The following RORB variants were observed in gnomAD, a reference collection of about 807,000 sequenced individuals.
RORB encodes RAR related orphan receptor B, also known as nuclear receptor ROR-beta.
RORB carries 6 observed loss-of-function variants against 59.1 expected under a neutral mutation model. The ratio of observed to expected loss-of-function variants is 0.10; its 90% CI spans 0.06 to 0.20. RORB has a LOEUF of 0.20. RORB is among the 10% of genes least tolerant of loss of function. The pLI is 1.00. For synonymous variants in RORB, 215 were observed against 204.5 expected, an observed-to-expected ratio of 1.05 and a Z score of -0.44; for missense variants, 320 against 560.5, an observed-to-expected ratio of 0.57 and a Z score of 4.33.
At chr9:74,528,571 T>C (rs1469664996) in intron 1 of RORB, among the ~76,000 whole-genome samples, 1 of 152,026 alleles carries the variant, frequency 6.6e-6, no homozygotes, top group Admixed American at 6.6e-5. Context: ...ATACCTAAAC[T>C]AGTTTTTACA....
intron 1 of RORB, among the ~76,000 whole-genome samples, chr9:74,619,002 T>C (rs1337922509): frequency 6.6e-6 from 1 of 152,226 alleles, no homozygotes; most frequent in Non-Finnish European, 1.5e-5. Flanking sequence ...CAATTTCATA[T>C]GATTCGACTT....
intron 4 of RORB, among the ~76,000 whole-genome samples, chr9:74,645,414 A>T (rs996157899): frequency 2.0e-5 from 3 of 152,190 alleles, no homozygotes; most frequent in African/African-American, 7.2e-5. Flanking sequence ...TTCTGGAGTC[A>T]AAGTGCCTGC....
chr9:74,586,871 A>T (rs1048635618), intron 1 of RORB, among the ~76,000 whole-genome samples: 2 of 152,176 alleles, frequency 1.3e-5, no homozygotes, highest in African/African-American at 4.8e-5. Context: ...TTAACAATGT[A>T]GCCTTCTCCT....
rs546453946 is a variant in RORB at position 74,625,513 on chromosome 9, C to T, written c.8-4769C>T. On this transcript the variant is annotated intron_variant, in intron 1 of 9. Transcript: ENST00000376896. ...CCCACAGTCCCAGATACTCAGGAGGCTGAGATGGGAGTATCCCCTGAGTCT... is the reference window on the plus strand; with the variant it reads ...CCCACAGTCCCAGATACTCAGGAGGTTGAGATGGGAGTATCCCCTGAGTCT... 2.0e-4 allele frequency among the ~76,000 whole-genome samples: 31 copies of T among 152,266 alleles called. 1 individual carries two copies. The South Asian group carries it at 6.4e-3, about 32-fold the overall frequency.
rs76913164 is a variant in RORB at position 74,551,053 on chromosome 9, T to C, written c.7+53070T>C. ...ATGCAGCTACTAAAAAGTTTTAAAT[T>C]ACATGTAACATTTGCATTCTATTCC... On this transcript the variant is annotated intron_variant, in intron 1 of 9. Transcript: ENST00000376896. Among the ~76,000 whole-genome samples, 306 of 152,322 alleles carry C rather than the reference T, an allele frequency of 2.0e-3. 3 individuals are homozygous for C. The highest frequency in any genetic ancestry group is 0.016 in the East Asian group (84 of 5,192).
intron 1 of RORB, among the ~76,000 whole-genome samples, chr9:74,502,808 T>C (rs1825820268): frequency 6.6e-6 from 1 of 152,042 alleles, no homozygotes; most frequent in Admixed American, 6.5e-5. Flanking sequence ...TGTCAAATTC[T>C]GGCCAAATTG....
chr9:74,657,586 T>C (rs1164288739), intron 4 of RORB, among the ~76,000 whole-genome samples: 2 of 152,206 alleles, frequency 1.3e-5, no homozygotes. Context: ...AGGCAACTCC[T>C]CTATGGTTAT....
At chr9:74,501,099 G>A (rs1053898267) in intron 1 of RORB, among the ~76,000 whole-genome samples, 1 of 152,038 alleles carries the variant, frequency 6.6e-6, no homozygotes, top group Admixed American at 6.6e-5. Flanking sequence ...ACAGGGGCGC[G>A]GAAATGGTCG....
At chr9:74,642,307 G>C (rs551819638) in intron 3 of RORB, 107 bp from the exon 4 acceptor site, 1 of 1,090,730 alleles carries the variant, frequency 9.2e-7, no homozygotes, top group Non-Finnish European at 1.3e-6. Flanking sequence ...CTAGACATTT[G>C]TGCATTTGAA....
In RORB at chr9:74,692,948, A is replaced by T. The variant is rs1824770574; in HGVS notation, c.*7330A>T. On this transcript the variant is annotated 3_prime_UTR_variant, in exon 10 of 10. Coordinates refer to ENST00000376896, the MANE Select transcript of RORB (RefSeq NM_006914.4). ...GTATTGAGTTTTTTTAATCATAAAT[A>T]TACTAGAATAAAACAGCACTCCCTA... is the stretch of plus-strand genomic sequence containing the variant. 1 of 152,190 alleles carries T rather than the reference A, an allele frequency of 6.6e-6. No homozygotes were observed. The highest frequency in any genetic ancestry group is 2.1e-4 in the South Asian group (1 of 4,824). 9.4% of individuals were successfully genotyped at this position (152,190 alleles called of 1,614,324 possible). A position where few individuals can be genotyped will look rare whatever the true frequency, so the allele number is the denominator to read the frequency against.
At chr9:74,621,616 G>T (rs1373762217) in intron 1 of RORB, among the ~76,000 whole-genome samples, 1 of 152,228 alleles carries the variant, frequency 6.6e-6, no homozygotes, top group East Asian at 1.9e-4. Context: ...GCACACAATT[G>T]TTAGGTGGTT....
chr9:74,512,755 GT>G (rs1277493054), intron 1 of RORB, among the ~76,000 whole-genome samples: 2 of 152,092 alleles, frequency 1.3e-5, no homozygotes, highest in Admixed American at 6.6e-5. Context: ...AGGATCCTCA[GT>G]TTTTTTGTGT....
intron 7 of RORB, among the ~76,000 whole-genome samples, chr9:74,665,882 G>A (rs765743814): frequency 7.9e-5 from 12 of 152,130 alleles, no homozygotes; most frequent in South Asian, 2.1e-4. Context: ...TGGCTCATGC[G>A]TATAATCCTA....
intron 1 of RORB, among the ~76,000 whole-genome samples, chr9:74,536,546 C>A (rs761162978): frequency 3.3e-5 from 5 of 151,914 alleles, no homozygotes. Flanking sequence ...TAATTATAAA[C>A]AACTGTAAAC....
chr9:74,685,127 C>T (rs1824619054), intron 9 of RORB, among the ~76,000 whole-genome samples: 1 of 152,094 alleles, frequency 6.6e-6, no homozygotes. Context: ...TTACTAAGCT[C>T]TTTTGGAACT....
intron 1 of RORB, among the ~76,000 whole-genome samples, chr9:74,622,786 A>G (rs932206517): frequency 3.3e-5 from 5 of 151,834 alleles, no homozygotes; most frequent in African/African-American, 9.7e-5. Context: ...CAGCCTCCCA[A>G]CATGCTGGGA....
chr9:74,626,045 A>G (rs915013593), intron 1 of RORB, among the ~76,000 whole-genome samples: 1 of 152,200 alleles, frequency 6.6e-6, no homozygotes, highest in Non-Finnish European at 1.5e-5. Context: ...GGAGGTTCTG[A>G]GGGGGCAGAA....
At chr9:74,641,361 C>T (rs762480586) in intron 3 of RORB, among the ~76,000 whole-genome samples, 6 of 152,208 alleles carry the variant, frequency 3.9e-5, no homozygotes, top group Non-Finnish European at 7.3e-5. Context: ...CTTCTTCCTT[C>T]TTTTTCCTCA....
rs77052818 is a variant in RORB at position 74,613,603 on chromosome 9, T to C, written c.8-16679T>C. Reference sequence around the variant, plus strand: ...TCAATGAAAGTAAGAAGGAAATCCCTGGACATCAATATTTTTAAGCTCTCT... The same window carrying C: ...TCAATGAAAGTAAGAAGGAAATCCCCGGACATCAATATTTTTAAGCTCTCT... On this transcript the variant is annotated intron_variant, in intron 1 of 9. Coordinates refer to ENST00000376896, the MANE Select transcript of RORB (RefSeq NM_006914.4). Among the ~76,000 whole-genome samples, 959 of 152,290 alleles carry C rather than the reference T, an allele frequency of 6.3e-3. 8 individuals carry two copies. Among genetic ancestry groups the C allele is most frequent in the African/African-American group, 0.022 (904 of 41,552 alleles).
Sources: allele counts gnomAD v4.1 joint callset (sites outside exome capture counted in the v4.1 genomes callset), GRCh38; gene constraint gnomAD v4.1.1; transcripts MANE v1.5; gene names NCBI Gene and HGNC (gene_info 2026-07-23, HGNC 2026-07-21).